BLK: variants seen among roughly 807,000 people sequenced by gnomAD.
BLK encodes the protein BLK proto-oncogene, Src family tyrosine kinase.
A neutral mutation model predicts 61.8 loss-of-function variants in BLK; 64 were observed. The observed-to-expected ratio is 1.03, with a 90% CI of 0.85 to 1.27. BLK has a LOEUF of 1.27. Among genes scored for constraint, BLK ranks in the 50% most tolerant of loss-of-function variants. The pLI is 0.00. For missense variants in BLK, 853 were observed against 660.5 expected, an observed-to-expected ratio of 1.29 and a Z score of -3.19; for synonymous variants, 351 against 272.0, an observed-to-expected ratio of 1.29 and a Z score of -2.86.
At chr8:11,512,273 A>G (rs181541355) in intron 1 of BLK, among the ~76,000 whole-genome samples, 3 of 152,324 alleles carry the variant, frequency 2.0e-5, no homozygotes, top group Non-Finnish European at 4.4e-5. Context: ...AGACCTGTGG[A>G]GGACACCACA....
chr8:11,542,398 T>G (rs1800422080), intron 1 of BLK, among the ~76,000 whole-genome samples: 1 of 152,222 alleles, frequency 6.6e-6, no homozygotes. Flanking sequence ...CTATGATGTC[T>G]GCATCTCAAG....
intron 9 of BLK, 43 bp downstream of exon 9, chr8:11,556,880 G>A: frequency 6.2e-7 from 1 of 1,603,360 alleles, no homozygotes. Flanking sequence ...CGAGGCGGGA[G>A]GGCCGGGCTT....
At chr8:11,508,535 C>G (rs564736555) in intron 1 of BLK, among the ~76,000 whole-genome samples, 2 of 152,384 alleles carry the variant, frequency 1.3e-5, no homozygotes, top group South Asian at 4.1e-4. Flanking sequence ...AGCCCCCACC[C>G]GTGGCTTTTC....
intron 1 of BLK, among the ~76,000 whole-genome samples, chr8:11,495,041 A>T (rs2117218446): frequency 6.6e-6 from 1 of 152,272 alleles, no homozygotes; most frequent in East Asian, 1.9e-4. Context: ...CTTTCGTTTT[A>T]TTTGTTTGTT....
intron 4 of BLK, 75 bp from the exon 5 acceptor site, chr8:11,548,949 A>T (rs1437817596): frequency 1.5e-6 from 2 of 1,315,366 alleles, no homozygotes; most frequent in Non-Finnish European, 2.2e-6. Context: ...GATGACTTTG[A>T]GGAGGCCTGA....
chr8:11,555,743 C>T lies in BLK; in HGVS notation c.772+259C>T, dbSNP rs922498703. On this transcript the variant is annotated intron_variant, in intron 8 of 12. Transcript: ENST00000259089. ...CCAGCCCCGAAGTCGCTCCCTCCTT[C>T]GTTCTCTGCCTGAAGCTGGCTTTGA... is the stretch of plus-strand genomic sequence containing the variant. The T allele has an allele frequency of 1.2e-5, 7 of 562,432 alleles. 1 individual carries two copies. The highest frequency in any genetic ancestry group is 7.5e-5 in the South Asian group (4 of 53,204). The allele number at this position is 562,432 out of a possible 1,614,324, so 34.8% of individuals were successfully genotyped here.
At chr8:11,538,105 C>G (rs916640974) in intron 1 of BLK, among the ~76,000 whole-genome samples, 6 of 152,178 alleles carry the variant, frequency 3.9e-5, no homozygotes, top group Non-Finnish European at 8.8e-5. Flanking sequence ...CACACATATT[C>G]AAGCACATAC....
In BLK at chr8:11,511,674, C is replaced by A. The variant is rs182128070; in HGVS notation, c.-2+17083C>A. ...CTTATTATTGTTGAAAACTAGCAGTCTTTAAAGGGGATGGACTTCCTGAAA... is the reference window on the plus strand; with the variant it reads ...CTTATTATTGTTGAAAACTAGCAGTATTTAAAGGGGATGGACTTCCTGAAA... On this transcript the variant is annotated intron_variant, in intron 1 of 12. Coordinates refer to ENST00000259089, the MANE Select transcript of BLK (RefSeq NM_001715.3). Among the ~76,000 whole-genome samples, 514 of 152,258 alleles carry A rather than the reference C, an allele frequency of 3.4e-3. 2 individuals carry two copies. Among genetic ancestry groups the A allele is most frequent in the Non-Finnish European group, 5.5e-3 (377 of 68,022 alleles).
intron 1 of BLK, among the ~76,000 whole-genome samples, chr8:11,540,870 A>C (rs185643785): frequency 6.6e-6 from 1 of 151,970 alleles, no homozygotes; most frequent in Non-Finnish European, 1.5e-5. Context: ...AAAAAAAAAA[A>C]AGAGAGCTCC....
chr8:11,501,075 G>T (rs1394755047), intron 1 of BLK, among the ~76,000 whole-genome samples: 1 of 152,030 alleles, frequency 6.6e-6, no homozygotes, highest in Admixed American at 6.6e-5. Flanking sequence ...TGGGCATGGT[G>T]GCAGGCACCT....
In BLK at chr8:11,535,866, C is replaced by A. The variant is rs773529049; in HGVS notation, c.-1-7358C>A. Among the ~76,000 whole-genome samples the A allele has an allele frequency of 2.0e-5, 3 of 152,298 alleles. No homozygotes were observed. The Middle Eastern group carries it at 0.01, about 518-fold the overall frequency. Reference sequence around the variant, plus strand: ...GTGTAAGAAGGACGAGAGGGAAGAGCAAGTGATGAACCATCACAAGGACGC... The same window carrying A: ...GTGTAAGAAGGACGAGAGGGAAGAGAAAGTGATGAACCATCACAAGGACGC... On this transcript the variant is annotated intron_variant, in intron 1 of 12. Coordinates refer to ENST00000259089, the MANE Select transcript of BLK (RefSeq NM_001715.3).
intron 1 of BLK, among the ~76,000 whole-genome samples, chr8:11,508,824 G>A (rs1798881610): frequency 2.0e-5 from 3 of 152,216 alleles, no homozygotes; most frequent in South Asian, 4.1e-4. Context: ...CATCAGACAA[G>A]GGAGCAACTG....
At chr8:11,537,007 A>C (rs760471789) in intron 1 of BLK, among the ~76,000 whole-genome samples, 4 of 152,162 alleles carry the variant, frequency 2.6e-5, no homozygotes, top group Non-Finnish European at 4.4e-5. Context: ...GGTTGACAGC[A>C]ACTGAATGTC....
At chr8:11,546,240 C>G in intron 3 of BLK, 137 bp downstream of exon 3, 1 of 1,031,336 alleles carries the variant, frequency 9.7e-7, no homozygotes, top group Non-Finnish European at 1.5e-6. Context: ...AGAGAGGCCC[C>G]GGCTCTGTGC....
At chr8:11,556,566 GC>G in intron 8 of BLK, 91 bp from the exon 9 acceptor site, 2 of 1,475,594 alleles carry the variant, frequency 1.4e-6, no homozygotes, top group Non-Finnish European at 1.9e-6. Flanking sequence ...GAATGGGGTG[GC>G]ACCTGGGCAC....
intron 1 of BLK, among the ~76,000 whole-genome samples, chr8:11,535,268 G>GAAAT (rs1299893294): frequency 1.0e-5 from 1 of 98,286 alleles, no homozygotes; most frequent in Non-Finnish European, 2.1e-5. Context: ...AAAGAAGAAA[G>GAAAT]AAAGAAAGAA....
intron 4 of BLK, 128 bp from the exon 5 acceptor site, chr8:11,548,896 G>T: frequency 1.2e-6 from 1 of 858,150 alleles, no homozygotes; most frequent in South Asian, 1.4e-5. Context: ...CTTCCTGCCT[G>T]CCGTACTCTC....
chr8:11,556,393 CAGA>C (rs907242094), intron 8 of BLK: 1 of 513,440 alleles, frequency 1.9e-6, no homozygotes, highest in Non-Finnish European at 3.6e-6. Flanking sequence ...CCGTGCAGGA[CAGA>C]AGGACACAGG....
chr8:11,513,810 A>G (rs1799117014), intron 1 of BLK, among the ~76,000 whole-genome samples: 1 of 152,180 alleles, frequency 6.6e-6, no homozygotes, highest in South Asian at 2.1e-4. Context: ...GTTGGCGGGC[A>G]GTCCACACCA....
Sources: allele counts gnomAD v4.1 joint callset (sites outside exome capture counted in the v4.1 genomes callset), GRCh38; gene constraint gnomAD v4.1.1; transcripts MANE v1.5; gene names NCBI Gene and HGNC (gene_info 2026-07-23, HGNC 2026-07-21).